Variants in ATP11B observed in about 807,000 individuals in gnomAD.
ATP11B encodes phospholipid-transporting ATPase IF.
Under a neutral mutation model 157.8 loss-of-function variants are expected in ATP11B, and 81 were observed. The ratio of observed to expected loss-of-function variants is 0.51; its 90% confidence interval spans 0.43 to 0.62. The LOEUF (loss-of-function observed/expected upper bound fraction) is 0.62, where lower values mean the gene tolerates loss of function less well. Ranked by LOEUF, ATP11B falls within the 20% of genes least tolerant of loss-of-function variation. ATP11B has a pLI of 0.00. For synonymous variants in ATP11B, 451 were observed against 469.4 expected (o/e 0.96, Z 0.51); for missense variants, 1,165 against 1,402.2 (o/e 0.83, Z 2.70).
intron 4 of ATP11B, among the ~76,000 whole-genome samples, chr3:182,835,072 A>G (rs1453337294): frequency 6.6e-6 from 1 of 152,156 alleles, no homozygotes; most frequent in African/African-American, 2.4e-5. Context: ...TTGTCTTCAC[A>G]TTGAGCAGAC....
intron 2 of ATP11B, among the ~76,000 whole-genome samples, chr3:182,826,901 C>G (rs754613924): frequency 4.6e-5 from 7 of 152,112 alleles, no homozygotes; most frequent in Admixed American, 6.5e-5. Flanking sequence ...TGACATGACA[C>G]TAGGTAACGT....
chr3:182,848,792 C>A (rs898048447), intron 10 of ATP11B, among the ~76,000 whole-genome samples: 7 of 151,906 alleles, frequency 4.6e-5, no homozygotes, highest in Non-Finnish European at 7.4e-5. Flanking sequence ...ATGGTGGAAT[C>A]ACTTAATCAC....
chr3:182,871,351 C>T (rs996798857), intron 17 of ATP11B, among the ~76,000 whole-genome samples: 2 of 152,084 alleles, frequency 1.3e-5, no homozygotes, highest in African/African-American at 4.8e-5. Flanking sequence ...ATGCATGTAG[C>T]AAGAAAAGGA....
At position 182,919,211 on chromosome 3, in the gene ATP11B, C is replaced by A. The variant is rs1213322719; in HGVS notation, c.*1107C>A. On this transcript the variant is annotated 3_prime_UTR_variant, in exon 30 of 30. Transcript: ENST00000323116. ...AGAATAAAGGGTTTCAGTTAATAAT[C>A]TTATTTTCAGGTTATGTCATCTAAC... is the stretch of plus-strand genomic sequence containing the variant. 2.6e-5 allele frequency: 4 copies of A among 152,520 alleles called. No individual in the cohort carries two copies. The highest frequency in any genetic ancestry group is 4.4e-5 in the Non-Finnish European group (3 of 68,000). 9.4% of individuals were successfully genotyped at this position (152,520 alleles called of 1,614,324 possible).
chr3:182,866,218 G>A, intron 13 of ATP11B, 50 bp from the exon 14 acceptor site: 1 of 1,376,930 alleles, frequency 7.3e-7, no homozygotes, highest in Non-Finnish European at 9.7e-7. Flanking sequence ...TTTCCTAAAT[G>A]GTATGTGGAA....
chr3:182,811,569 T>G (rs528537536), intron 1 of ATP11B, among the ~76,000 whole-genome samples: 112 of 152,254 alleles, frequency 7.4e-4, no homozygotes, highest in African/African-American at 2.6e-3. Flanking sequence ...CAGAAGGAGT[T>G]TTTTGAGGCA....
At position 182,859,308 on chromosome 3, in the gene ATP11B, A is replaced by C. The variant is rs142346689; in HGVS notation, c.1149A>C (p.Ser383=). Residue 383 remains serine, a synonymous_variant, in exon 12 of 30, where the codon TCA becomes TCC. Coordinates refer to ENST00000323116, the MANE Select transcript of ATP11B (RefSeq NM_014616.3). ...ATCTTGATCTGTATCATGAAGAATC[A>C]GATCAGAAAGCTCAAGTCAATACTT... ...GWDLDLYHEE[S]DQKAQVNTSD... 6.2e-6 allele frequency: 10 copies of C among 1,610,544 alleles called. No homozygotes were observed. Among genetic ancestry groups the C allele is most frequent in the Non-Finnish European group, 8.5e-6 (10 of 1,178,166 alleles).
chr3:182,917,939 G>A (rs569963601), intron 29 of ATP11B, 84 bp from the exon 30 acceptor site: 1 of 1,547,148 alleles, frequency 6.5e-7, no homozygotes, highest in East Asian at 2.3e-5. Context: ...GATTGCATTT[G>A]GGTCCTAAGT....
In ATP11B at chr3:182,889,432, T is replaced by C. The variant is rs752197341; in HGVS notation, c.2866T>C (p.Leu956=). 1.2e-5 allele frequency: 19 copies of C among 1,572,116 alleles called. No individual in the cohort carries two copies. Among genetic ancestry groups the C allele is most frequent in the Middle Eastern group, 1.7e-4 (1 of 5,876 alleles). Residue 956 remains leucine, a synonymous_variant, in exon 25 of 30, where the codon TTA becomes CTA. Transcript: ENST00000323116. ...CAGAGACATTAGTAAAAACCGCCTC[T>C]TAAGTATTAAAACATTTCTTTATTG... ...LYRDISKNRL[L]SIKTFLYWTI...
chr3:182,880,246 A>G (rs1460733402), intron 20 of ATP11B, among the ~76,000 whole-genome samples: 6 of 152,210 alleles, frequency 3.9e-5, no homozygotes, highest in Non-Finnish European at 7.3e-5. Context: ...GCACATCTAA[A>G]TACTGATTAT....
In ATP11B at chr3:182,865,591, T is replaced by C. The variant is rs1721170971; in HGVS notation, c.1336T>C (p.Ser446Pro). ...LVPEGPTPDS[S>P]EGNLSYLSSL... The stretch of plus-strand genomic sequence containing the variant: ...ACCCGAAGGACCAACACCAGACTCT[T>C]CAGAAGGAAACTTATCTTATCTTAG... Residue 446 changes from serine (S) to proline (P), a missense_variant, in exon 13 of 30, where the codon TCA (serine) becomes CCA (proline). Ser to Pro is a moderately conservative substitution (Grantham distance 74). Transcript: ENST00000323116. 1 of 1,613,878 alleles carries C rather than the reference T, an allele frequency of 6.2e-7. No individual in the cohort carries two copies. Among genetic ancestry groups the C allele is most frequent in the African/African-American group, 1.3e-5 (1 of 75,042 alleles).
chr3:182,813,888 C>T lies in ATP11B; in HGVS notation c.28-6372C>T, dbSNP rs557930491. ...AACTATAGACACATGCTACCCCATC[C>T]GGCTAATTTTTCTATTTTTGTAGAG... On this transcript the variant is annotated intron_variant, in intron 1 of 29. Coordinates refer to ENST00000323116, the MANE Select transcript of ATP11B (RefSeq NM_014616.3). Among the ~76,000 whole-genome samples, 149 of 151,902 alleles carry T rather than the reference C, an allele frequency of 9.8e-4. 2 individuals carry two copies. Among genetic ancestry groups the T allele is most frequent in the African/African-American group, 3.2e-3 (132 of 41,422 alleles).
At chr3:182,809,288 G>T (rs1055928986) in intron 1 of ATP11B, among the ~76,000 whole-genome samples, 1 of 150,876 alleles carries the variant, frequency 6.6e-6, no homozygotes, top group African/African-American at 2.4e-5. Context: ...TTGGTCTGTC[G>T]CCCAGGCTGG....
At chr3:182,845,920 A>C (rs1185847164) in intron 9 of ATP11B, among the ~76,000 whole-genome samples, 1 of 152,236 alleles carries the variant, frequency 6.6e-6, no homozygotes, top group African/African-American at 2.4e-5. Context: ...ACATTCATTC[A>C]ACAAATTTAC....
rs560795634 is a variant in ATP11B, at chr3:182,837,709, CTTA to C, written c.656+540_656+542del. 2.0e-3 allele frequency among the ~76,000 whole-genome samples: 305 copies of C among 152,090 alleles called. 3 individuals carry two copies. The highest frequency in any genetic ancestry group is 6.8e-3 in the Middle Eastern group (2 of 294). ...CTCAAAGACAGAAACTATTATTCAT[CTTA>C]TTATCTATCACAGTGAACACAAAAT... On this transcript the variant is annotated intron_variant, in intron 7 of 29. Transcript: ENST00000323116.
intron 28 of ATP11B, chr3:182,902,522 A>G: frequency 7.8e-7 from 1 of 1,289,628 alleles, no homozygotes; most frequent in Non-Finnish European, 1.0e-6. Context: ...AGTTCATCGC[A>G]CTGCAGCCAT....
rs537310010 is a variant in ATP11B at position 182,888,502 on chromosome 3, G to A, written c.2843+789G>A. Among the ~76,000 whole-genome samples, 11 of 152,178 alleles carry A rather than the reference G, an allele frequency of 7.2e-5. No homozygotes were observed. In the South Asian group the frequency reaches 2.1e-3, roughly 29 times the overall value. The stretch of plus-strand genomic sequence containing the variant: ...ATCAACTTTTCAAAATTAAAGTGAA[G>A]TATTATGCCTATGTCATATTTCTTT... On this transcript the variant is annotated intron_variant, in intron 24 of 29. Transcript: ENST00000323116.
intron 28 of ATP11B, among the ~76,000 whole-genome samples, chr3:182,900,549 A>G (rs1260674188): frequency 1.3e-5 from 2 of 152,114 alleles, no homozygotes; most frequent in African/African-American, 4.8e-5. Flanking sequence ...TCTGCAATAT[A>G]TTACTTAAAT....
chr3:182,914,683 TCACCATGC>T, intron 29 of ATP11B: 1 of 985,424 alleles, frequency 1.0e-6, no homozygotes, highest in Middle Eastern at 5.2e-4. Flanking sequence ...ATGAGATTTA[TCACCATGC>T]CTGCTGTTGT....
Sources: allele counts gnomAD v4.1 joint callset (sites outside exome capture counted in the v4.1 genomes callset), GRCh38; gene constraint gnomAD v4.1.1; transcripts MANE v1.5; gene names NCBI Gene and HGNC (gene_info 2026-07-23, HGNC 2026-07-21).